CXCL13: variants seen among roughly 807,000 people sequenced by gnomAD.
CXCL13 encodes the protein C-X-C motif chemokine ligand 13.
In CXCL13, 7 loss-of-function variants were observed where a neutral mutation model predicts 12.2. The observed-to-expected ratio is 0.57, with a 90% CI of 0.33 to 1.07. CXCL13 has a LOEUF of 1.07. Among genes scored for constraint, CXCL13 ranks in the 50% least tolerant of loss-of-function variants. The probability of loss-of-function intolerance (pLI) is 0.04; values close to 1 mark genes in which losing one functional copy is unlikely to be tolerated. For synonymous variants in CXCL13, 47 were observed against 42.4 expected (o/e 1.11, Z -0.42); for missense variants, 113 against 127.4 (o/e 0.89, Z 0.55).
chr4:77,546,061 C>T (rs1018311300), intron 1 of CXCL13, among the ~76,000 whole-genome samples: 8 of 152,070 alleles, frequency 5.3e-5, no homozygotes, highest in African/African-American at 1.9e-4. Flanking sequence ...TATTGATTTG[C>T]ATATGTTAAA....
At chr4:77,549,994 C>T (rs1051148538) in intron 1 of CXCL13, among the ~76,000 whole-genome samples, 3 of 152,216 alleles carry the variant, frequency 2.0e-5, no homozygotes, top group Non-Finnish European at 4.4e-5. Flanking sequence ...TGGTGGGCTC[C>T]ACCCAGTTCA....
chr4:77,513,596 T>G (rs1724326562), intron 1 of CXCL13, among the ~76,000 whole-genome samples: 1 of 151,930 alleles, frequency 6.6e-6, no homozygotes, highest in Admixed American at 6.6e-5. Flanking sequence ...GGACTACAGG[T>G]GCCCACCACC....
intron 1 of CXCL13, among the ~76,000 whole-genome samples, chr4:77,573,362 T>TTGTGTGTGTG (rs3048191): frequency 5.4e-4 from 73 of 134,988 alleles, no homozygotes; most frequent in Admixed American, 3.0e-3. Context: ...ATTGGGTCTT[T>TTGTGTGTGTG]TGTGTGTGTG....
intron 1 of CXCL13, among the ~76,000 whole-genome samples, chr4:77,581,063 C>T (rs999985770): frequency 4.6e-5 from 7 of 151,734 alleles, no homozygotes; most frequent in Admixed American, 6.6e-5. Flanking sequence ...GTATAGAGAA[C>T]GTAGGTTAGT....
chr4:77,610,547 T>C, intron 2 of CXCL13, 67 bp from the exon 3 acceptor site: 2 of 1,240,924 alleles, frequency 1.6e-6, no homozygotes, highest in Non-Finnish European at 2.3e-6. Context: ...CAAACTCTTT[T>C]CTTTATTAAA....
At chr4:77,523,380 G>A (rs931581606) in intron 1 of CXCL13, among the ~76,000 whole-genome samples, 6 of 152,140 alleles carry the variant, frequency 3.9e-5, no homozygotes, top group East Asian at 3.9e-4. Flanking sequence ...TCATAGAGTC[G>A]CATATTTCTT....
chr4:77,532,418 G>A (rs558297578), intron 1 of CXCL13, among the ~76,000 whole-genome samples: 4 of 152,332 alleles, frequency 2.6e-5, no homozygotes, highest in African/African-American at 9.6e-5. Context: ...GAAATCAGCT[G>A]TTAGTCTGAT....
chr4:77,540,377 GTACCCAATAGTTAATTTTTCAACTGCT>G (rs989589373), intron 1 of CXCL13, among the ~76,000 whole-genome samples: 34 of 152,240 alleles, frequency 2.2e-4, no homozygotes, highest in African/African-American at 7.9e-4. Flanking sequence ...ACTGAGCATA[GTACCCAATAGTTAATTTTTCAACTGCT>G]GCCTCCCTGC....
chr4:77,546,755 T>A (rs1316924556), intron 1 of CXCL13, among the ~76,000 whole-genome samples: 1 of 152,220 alleles, frequency 6.6e-6, no homozygotes. Flanking sequence ...TCTGCTCTGA[T>A]CTTTGTTATT....
intron 1 of CXCL13, among the ~76,000 whole-genome samples, chr4:77,519,862 T>A (rs1228130917): frequency 6.6e-6 from 1 of 152,238 alleles, no homozygotes; most frequent in Non-Finnish European, 1.5e-5. Context: ...AACATTTAAG[T>A]CTTTAATCCA....
intron 1 of CXCL13, among the ~76,000 whole-genome samples, chr4:77,573,349 G>C: frequency 6.8e-6 from 1 of 147,688 alleles, no homozygotes; most frequent in Admixed American, 6.8e-5. Context: ...AAGAAAAAAA[G>C]CTATTGGGTC....
In CXCL13 at chr4:77,529,870, G is replaced by T. The variant is rs151294712; in HGVS notation, c.-43+18082G>T. Reference sequence around the variant, plus strand: ...TCTTGTGCCAGTTTTCAAAGGGAATGGTTCTAGTTTTCACCCATTCAGTAT... The same window carrying T: ...TCTTGTGCCAGTTTTCAAAGGGAATTGTTCTAGTTTTCACCCATTCAGTAT... On this transcript the variant is annotated intron_variant, in intron 1 of 4. Coordinates refer to the CXCL13 transcript ENST00000286758. Among the ~76,000 whole-genome samples, 325 of 152,252 alleles carry T rather than the reference G, an allele frequency of 2.1e-3. 3 individuals carry two copies. Among genetic ancestry groups the T allele is most frequent in the African/African-American group, 7.5e-3 (313 of 41,548 alleles).
At chr4:77,512,859 G>A (rs1173451843) in intron 1 of CXCL13, among the ~76,000 whole-genome samples, 2 of 151,948 alleles carry the variant, frequency 1.3e-5, no homozygotes, top group Non-Finnish European at 1.5e-5. Flanking sequence ...TACATGTGCC[G>A]TGTTGGTGTG....
intron 1 of CXCL13, among the ~76,000 whole-genome samples, chr4:77,529,378 C>A (rs1445571008): frequency 6.6e-6 from 1 of 152,152 alleles, no homozygotes; most frequent in African/African-American, 2.4e-5. Context: ...GCAGAATGGC[C>A]ATTTTCACAA....
At chr4:77,606,968 C>T (rs1727014513) in intron 1 of CXCL13, among the ~76,000 whole-genome samples, 1 of 152,066 alleles carries the variant, frequency 6.6e-6, no homozygotes, top group Non-Finnish European at 1.5e-5. Flanking sequence ...AATAAAAAGA[C>T]TTTTGAATTT....
At chr4:77,609,066 G>A (rs1012200075) in intron 2 of CXCL13, among the ~76,000 whole-genome samples, 4 of 152,190 alleles carry the variant, frequency 2.6e-5, no homozygotes, top group African/African-American at 9.7e-5. Context: ...AGAAATTCAT[G>A]CCAGTCACAG....
chr4:77,597,330 G>A (rs1392866226), intron 1 of CXCL13, among the ~76,000 whole-genome samples: 1 of 152,010 alleles, frequency 6.6e-6, no homozygotes, highest in Non-Finnish European at 1.5e-5. Context: ...GGGGCAAAAG[G>A]AATGCATTCA....
At chr4:77,552,622 C>T (rs1196745878) in intron 1 of CXCL13, among the ~76,000 whole-genome samples, 1 of 152,216 alleles carries the variant, frequency 6.6e-6, no homozygotes, top group Non-Finnish European at 1.5e-5. Flanking sequence ...AGGTCTGGAC[C>T]TACAGGTCCC....
chr4:77,557,140 T>C (rs542112155), intron 1 of CXCL13, among the ~76,000 whole-genome samples: 1 of 152,294 alleles, frequency 6.6e-6, no homozygotes, highest in East Asian at 1.9e-4. Context: ...ACAGAAATCT[T>C]CAGTTTCAAA....
Sources: allele counts gnomAD v4.1 joint callset (sites outside exome capture counted in the v4.1 genomes callset), GRCh38; gene constraint gnomAD v4.1.1; transcripts MANE v1.5; gene names NCBI Gene and HGNC (gene_info 2026-07-23, HGNC 2026-07-21).